The following KIAA1958 variants were observed in gnomAD, a reference collection of about 807,000 sequenced individuals.
The protein encoded by KIAA1958 is uncharacterized protein KIAA1958.
In KIAA1958, 14 loss-of-function variants were observed where a neutral mutation model predicts 47.2. That is an observed-to-expected ratio of 0.30 (90% CI 0.20 to 0.46). The LOEUF (loss-of-function observed/expected upper bound fraction) is 0.46, where lower values mean the gene tolerates loss of function less well. Ranked by LOEUF, KIAA1958 falls within the 20% of genes least tolerant of loss-of-function variation. The probability of loss-of-function intolerance (pLI) is 1.00; values close to 1 mark genes in which losing one functional copy is unlikely to be tolerated. For synonymous variants in KIAA1958, 354 were observed against 353.3 expected (o/e 1.00, Z -0.02); for missense variants, 803 against 909.2 (o/e 0.88, Z 1.50).
At chr9:112,515,586 C>T (rs1587997089) in intron 1 of KIAA1958, among the ~76,000 whole-genome samples, 1 of 78,848 alleles carries the variant, frequency 1.3e-5, no homozygotes, top group East Asian at 3.3e-4. Flanking sequence ...TGACCTTACC[C>T]CCAACCCTGT....
chr9:112,493,597 C>G (rs1834007468), intron 1 of KIAA1958, among the ~76,000 whole-genome samples: 1 of 152,262 alleles, frequency 6.6e-6, no homozygotes, highest in South Asian at 2.1e-4. Context: ...ACTGTGTTAC[C>G]TTTGCATTAG....
intron 1 of KIAA1958, among the ~76,000 whole-genome samples, chr9:112,493,088 A>G (rs934224340): frequency 1.3e-5 from 2 of 151,818 alleles, no homozygotes; most frequent in African/African-American, 4.8e-5. Context: ...ACTGGAGAAT[A>G]TTATTGTGGC....
At chr9:112,570,930 A>G (rs545481773) in intron 1 of KIAA1958, among the ~76,000 whole-genome samples, 1 of 152,310 alleles carries the variant, frequency 6.6e-6, no homozygotes, top group Admixed American at 6.5e-5. Context: ...GGACCTGGGA[A>G]CTGCTGGCGT....
chr9:112,572,796 A>C (rs911078356), intron 1 of KIAA1958, among the ~76,000 whole-genome samples: 2 of 152,250 alleles, frequency 1.3e-5, no homozygotes, highest in African/African-American at 2.4e-5. Flanking sequence ...GGCCGTGGCC[A>C]CATCAACAGA....
intron 1 of KIAA1958, among the ~76,000 whole-genome samples, chr9:112,511,379 C>T (rs1442378664): frequency 1.3e-5 from 2 of 152,164 alleles, no homozygotes; most frequent in Admixed American, 1.3e-4. Context: ...GAGTATAATG[C>T]ACTAAGGATC....
intron 2 of KIAA1958, among the ~76,000 whole-genome samples, chr9:112,639,726 A>G (rs16917164): frequency 0.018 from 2,800 of 152,214 alleles, 87 homozygotes; most frequent in African/African-American, 0.062. Context: ...GTTCCAACAC[A>G]CCTCAATGGG....
In KIAA1958 at chr9:112,638,187, G is replaced by C. The variant is rs778679389; in HGVS notation, c.1172-7463G>C. 2.7e-4 allele frequency among the ~76,000 whole-genome samples: 41 copies of C among 152,012 alleles called. 1 individual carries two copies. The highest frequency in any genetic ancestry group is 9.4e-4 in the African/African-American group (39 of 41,384). ...AAAAATAAAATTTTCTCTTAATGTG[G>C]TGTTATGTGGGAAGTTGAAAAAGAA... On this transcript the variant is annotated intron_variant, in intron 2 of 3. Transcript: ENST00000337530.
At chr9:112,591,123 G>T (rs185517373) in intron 2 of KIAA1958, among the ~76,000 whole-genome samples, 2 of 152,006 alleles carry the variant, frequency 1.3e-5, no homozygotes, top group African/African-American at 2.4e-5. Flanking sequence ...TCGCTCTGTC[G>T]CCCAGGCTGG....
chr9:112,500,210 T>C (rs1321846316), intron 1 of KIAA1958, among the ~76,000 whole-genome samples: 2 of 151,206 alleles, frequency 1.3e-5, no homozygotes, highest in Admixed American at 6.6e-5. Context: ...CAGCGATTCT[T>C]GTGCCTCAGC....
intron 1 of KIAA1958, among the ~76,000 whole-genome samples, chr9:112,557,162 A>G (rs1420227602): frequency 9.6e-6 from 1 of 104,352 alleles, no homozygotes; most frequent in Non-Finnish European, 2.1e-5. Flanking sequence ...GTCTCACTCT[A>G]TTACCTAGGC....
At position 112,668,510 on chromosome 9, in the gene KIAA1958, C is replaced by A. The variant is rs1357286591; in HGVS notation, c.*8441C>A. On this transcript the variant is annotated 3_prime_UTR_variant, in exon 4 of 4. Coordinates refer to ENST00000337530, the MANE Select transcript of KIAA1958 (RefSeq NM_133465.4). ...GGAGTCTACAATGTCAGTGTTAGAA[C>A]TAATGCTGGGTTGTTTTGTTTTTTC... is the stretch of plus-strand genomic sequence containing the variant. The A allele has an allele frequency of 6.6e-6, 1 of 152,194 alleles. No individual in the cohort carries two copies. The highest frequency in any genetic ancestry group is 1.9e-4 in the East Asian group (1 of 5,200). 9.4% of individuals were successfully genotyped at this position (152,194 alleles called of 1,614,324 possible).
intron 1 of KIAA1958, among the ~76,000 whole-genome samples, chr9:112,546,286 G>A (rs1483322482): frequency 6.6e-6 from 1 of 152,176 alleles, no homozygotes; most frequent in Non-Finnish European, 1.5e-5. Context: ...AGTCATCATG[G>A]CAATGTAGGG....
chr9:112,568,314 T>A (rs916366244), intron 1 of KIAA1958, among the ~76,000 whole-genome samples: 1 of 152,180 alleles, frequency 6.6e-6, no homozygotes, highest in Non-Finnish European at 1.5e-5. Flanking sequence ...TCACTGCATA[T>A]GCAGTCCAAA....
In KIAA1958 at chr9:112,521,572, C is replaced by A; in HGVS notation, c.-25+34454C>A. 1.3e-5 allele frequency among the ~76,000 whole-genome samples: 2 copies of A among 152,008 alleles called. 1 individual carries two copies. The highest frequency in any genetic ancestry group is 2.9e-5 in the Non-Finnish European group (2 of 68,010). On this transcript the variant is annotated intron_variant, in intron 1 of 3. Coordinates refer to ENST00000337530, the MANE Select transcript of KIAA1958 (RefSeq NM_133465.4). Reference sequence around the variant, plus strand: ...TTTTAAAGATTTTCTCTTAGATTATCATGTTAATTTTTAGTTTTATTGCAT... The same window carrying A: ...TTTTAAAGATTTTCTCTTAGATTATAATGTTAATTTTTAGTTTTATTGCAT...
chr9:112,549,421 C>T (rs1162317993), intron 1 of KIAA1958, among the ~76,000 whole-genome samples: 1 of 152,240 alleles, frequency 6.6e-6, no homozygotes, highest in African/African-American at 2.4e-5. Context: ...AAAGTGTTTG[C>T]TGTTTTCTGT....
intron 1 of KIAA1958, among the ~76,000 whole-genome samples, chr9:112,559,737 A>G (rs905151330): frequency 6.6e-6 from 1 of 152,244 alleles, no homozygotes; most frequent in African/African-American, 2.4e-5. Context: ...TGTTAAAGGC[A>G]ATTAAAAATG....
chr9:112,655,940 G>A (rs925193888), intron 3 of KIAA1958, among the ~76,000 whole-genome samples: 1 of 152,178 alleles, frequency 6.6e-6, no homozygotes, highest in African/African-American at 2.4e-5. Flanking sequence ...TGTGCCTGGT[G>A]TAAGTTGAAT....
chr9:112,644,810 A>C (rs986651450), intron 2 of KIAA1958, among the ~76,000 whole-genome samples: 2 of 152,010 alleles, frequency 1.3e-5, no homozygotes, highest in Admixed American at 6.6e-5. Context: ...ACCTCTCTCT[A>C]TGAATTTTGT....
intron 1 of KIAA1958, among the ~76,000 whole-genome samples, chr9:112,549,929 C>T (rs958536582): frequency 1.3e-5 from 2 of 152,130 alleles, no homozygotes; most frequent in African/African-American, 4.8e-5. Flanking sequence ...TTGAGAAATC[C>T]TGCTGTAAAT....
Sources: allele counts gnomAD v4.1 joint callset (sites outside exome capture counted in the v4.1 genomes callset), GRCh38; gene constraint gnomAD v4.1.1; transcripts MANE v1.5; gene names NCBI Gene and HGNC (gene_info 2026-07-23, HGNC 2026-07-21).